Variants in SYT1 observed in about 807,000 individuals in gnomAD.
SYT1 encodes synaptotagmin 1.
In SYT1, 8 loss-of-function variants were observed where a neutral mutation model predicts 44.8. The ratio of observed to expected loss-of-function variants is 0.18; its 90% CI spans 0.10 to 0.32. SYT1 has a LOEUF of 0.32. SYT1 is among the 10% of genes least tolerant of loss of function. SYT1 has a pLI of 1.00. For synonymous variants in SYT1, 154 were observed against 188.8 expected (o/e 0.82, Z 1.51); for missense variants, 286 against 509.3 (o/e 0.56, Z 4.22).
chr12:79,399,947 G>C (rs1031546845), intron 9 of SYT1, among the ~76,000 whole-genome samples: 20 of 152,202 alleles, frequency 1.3e-4, no homozygotes, highest in Admixed American at 6.6e-5. Flanking sequence ...TATCATTTAA[G>C]AGAAGCTTCT....
intron 3 of SYT1, among the ~76,000 whole-genome samples, chr12:79,164,478 C>A (rs1209543188): frequency 2.0e-5 from 3 of 152,018 alleles, no homozygotes; most frequent in African/African-American, 7.2e-5. Flanking sequence ...CCACATCAGG[C>A]TTTGCTGTCA....
chr12:79,421,684 G>C (rs1439096803), intron 9 of SYT1, among the ~76,000 whole-genome samples: 1 of 151,238 alleles, frequency 6.6e-6, no homozygotes, highest in Non-Finnish European at 1.5e-5. Context: ...TATCCAATGT[G>C]ACACTTTTTT....
chr12:79,399,487 C>T (rs1306747492), intron 9 of SYT1, among the ~76,000 whole-genome samples: 1 of 151,990 alleles, frequency 6.6e-6, no homozygotes, highest in Non-Finnish European at 1.5e-5. Context: ...TCCAATCAAA[C>T]TTAAATTGGC....
intron 3 of SYT1, among the ~76,000 whole-genome samples, chr12:79,056,132 G>C (rs953304561): frequency 6.6e-6 from 1 of 152,006 alleles, no homozygotes; most frequent in East Asian, 1.9e-4. Context: ...ATGCTATGCT[G>C]TTCAGCAACA....
At chr12:78,905,315 T>TA (rs1337324557) in intron 1 of SYT1, among the ~76,000 whole-genome samples, 1 of 152,118 alleles carries the variant, frequency 6.6e-6, no homozygotes, top group Non-Finnish European at 1.5e-5. Flanking sequence ...CCACATAACA[T>TA]ACAATGGGTT....
At chr12:79,352,696 G>A (rs750239594) in intron 8 of SYT1, among the ~76,000 whole-genome samples, 8 of 150,260 alleles carry the variant, frequency 5.3e-5, no homozygotes, top group African/African-American at 1.5e-4. Context: ...AGTCTTTTCC[G>A]AAAAAAAAAG....
At chr12:79,326,988 G>A (rs1881636128) in intron 8 of SYT1, among the ~76,000 whole-genome samples, 1 of 152,080 alleles carries the variant, frequency 6.6e-6, no homozygotes, top group Non-Finnish European at 1.5e-5. Flanking sequence ...TTGAGTTCTA[G>A]TATTTTGATT....
rs73354795 is a variant in SYT1, at chr12:79,400,667, G to C, written c.929-43406G>C. ...CACCTCTGGTGAAACACAACATCCG[G>C]CAGAACATAACAAATGAGACCACGC... On this transcript the variant is annotated intron_variant, in intron 9 of 10. Coordinates refer to ENST00000261205, the MANE Select transcript of SYT1 (RefSeq NM_005639.3). Among the ~76,000 whole-genome samples, 997 of 152,284 alleles carry C rather than the reference G, an allele frequency of 6.5e-3. 10 individuals carry two copies. Among genetic ancestry groups the C allele is most frequent in the African/African-American group, 0.023 (953 of 41,554 alleles).
At chr12:79,043,958 A>T (rs1873796228) in intron 2 of SYT1, among the ~76,000 whole-genome samples, 1 of 151,910 alleles carries the variant, frequency 6.6e-6, no homozygotes. Flanking sequence ...ATTGGCCCCC[A>T]CTCTCTTCTG....
chr12:79,108,959 T>C (rs1878865966), intron 3 of SYT1, among the ~76,000 whole-genome samples: 1 of 152,162 alleles, frequency 6.6e-6, no homozygotes, highest in African/African-American at 2.4e-5. Flanking sequence ...AACTTTTCCT[T>C]AGTTCAGCTA....
At chr12:79,117,592 G>T (rs1367631748) in intron 3 of SYT1, among the ~76,000 whole-genome samples, 2 of 145,668 alleles carry the variant, frequency 1.4e-5, no homozygotes, top group African/African-American at 2.5e-5. Flanking sequence ...CAGAGCTACA[G>T]ACAGCTCACC....
At chr12:79,431,073 G>A (rs754193652) in intron 9 of SYT1, among the ~76,000 whole-genome samples, 8 of 152,174 alleles carry the variant, frequency 5.3e-5, no homozygotes, top group Non-Finnish European at 1.0e-4. Flanking sequence ...TCTTACATCC[G>A]AAGTTATCAA....
At chr12:78,945,907 A>G (rs1194612433) in intron 1 of SYT1, among the ~76,000 whole-genome samples, 2 of 152,126 alleles carry the variant, frequency 1.3e-5, no homozygotes, top group Non-Finnish European at 2.9e-5. Context: ...TTAGCCTTGT[A>G]GAAGAAGGTT....
At chr12:79,051,619 C>A (rs1313515102) in intron 3 of SYT1, among the ~76,000 whole-genome samples, 2 of 151,734 alleles carry the variant, frequency 1.3e-5, no homozygotes, top group East Asian at 3.9e-4. Context: ...TACATAAAAG[C>A]AATCTGCCAT....
intron 10 of SYT1, among the ~76,000 whole-genome samples, chr12:79,447,676 C>A (rs2081800653): frequency 6.6e-6 from 1 of 152,104 alleles, no homozygotes; most frequent in Admixed American, 6.5e-5. Flanking sequence ...CTTCTTTGTT[C>A]CAGAAACTAT....
chr12:79,136,955 A>T (rs1302704162), intron 3 of SYT1, among the ~76,000 whole-genome samples: 1 of 152,202 alleles, frequency 6.6e-6, no homozygotes, highest in Non-Finnish European at 1.5e-5. Flanking sequence ...TTTGCAAGGT[A>T]TGGGTAGTTA....
chr12:78,867,849 CT>C (rs1423522081), intron 1 of SYT1, among the ~76,000 whole-genome samples: 1 of 151,670 alleles, frequency 6.6e-6, no homozygotes, highest in East Asian at 1.9e-4. Context: ...GAAATTGAAA[CT>C]AAAAAATAGT....
intron 3 of SYT1, among the ~76,000 whole-genome samples, chr12:79,197,922 C>T (rs1241103265): frequency 6.6e-6 from 1 of 152,040 alleles, no homozygotes; most frequent in African/African-American, 2.4e-5. Flanking sequence ...ACAACTAAGA[C>T]AGCTAAGAAA....
At chr12:79,195,139 G>T (rs535005329) in intron 3 of SYT1, among the ~76,000 whole-genome samples, 1 of 152,256 alleles carries the variant, frequency 6.6e-6, no homozygotes, top group South Asian at 2.1e-4. Flanking sequence ...CTCTCTAGTT[G>T]CTAGGTCTTT....
Sources: allele counts gnomAD v4.1 joint callset (sites outside exome capture counted in the v4.1 genomes callset), GRCh38; gene constraint gnomAD v4.1.1; transcripts MANE v1.5; gene names NCBI Gene and HGNC (gene_info 2026-07-23, HGNC 2026-07-21).